The following FAF1 variants were observed in gnomAD, a reference collection of about 807,000 sequenced individuals.
The protein encoded by FAF1 is Fas associated factor 1, also known as FAS-associated factor 1.
FAF1 carries 25 observed loss-of-function variants against 92.5 expected under a neutral mutation model. The observed-to-expected ratio is 0.27, with a 90% CI of 0.20 to 0.38. The LOEUF is 0.38. FAF1 is among the 10% of genes least tolerant of loss of function. The pLI, the probability that FAF1 is intolerant of heterozygous loss-of-function variation, is 1.00. For missense variants in FAF1, 636 were observed against 793.3 expected (o/e 0.80, Z 2.38); for synonymous variants, 234 against 273.2 (o/e 0.86, Z 1.42).
At chr1:50,526,417 G>A (rs932839566) in intron 15 of FAF1, among the ~76,000 whole-genome samples, 1 of 151,622 alleles carries the variant, frequency 6.6e-6, no homozygotes, top group Non-Finnish European at 1.5e-5. Context: ...ACAAAATAGC[G>A]AGACCCCATC....
At chr1:50,877,306 T>A (rs1489489540) in intron 1 of FAF1, among the ~76,000 whole-genome samples, 1 of 152,270 alleles carries the variant, frequency 6.6e-6, no homozygotes, top group East Asian at 1.9e-4. Flanking sequence ...AGTTTAATCA[T>A]GAGAAAAAGA....
chr1:50,561,116 C>T (rs1649879943), intron 13 of FAF1, among the ~76,000 whole-genome samples: 1 of 152,188 alleles, frequency 6.6e-6, no homozygotes. Flanking sequence ...TCAGTACCAT[C>T]CCAGAATGGC....
At chr1:50,848,143 A>T (rs1387751176) in intron 2 of FAF1, among the ~76,000 whole-genome samples, 1 of 152,202 alleles carries the variant, frequency 6.6e-6, no homozygotes, top group African/African-American at 2.4e-5. Context: ...ATACCAAAAA[A>T]TAATTTAAAA....
chr1:50,905,062 G>C (rs560973088), intron 1 of FAF1, among the ~76,000 whole-genome samples: 50 of 152,156 alleles, frequency 3.3e-4, no homozygotes, highest in Admixed American at 7.9e-4. Flanking sequence ...ACAGGCCCCG[G>C]TGTGTGATGT....
At chr1:50,577,793 T>C (rs1276597687) in intron 12 of FAF1, among the ~76,000 whole-genome samples, 1 of 152,164 alleles carries the variant, frequency 6.6e-6, no homozygotes, top group Non-Finnish European at 1.5e-5. Context: ...AACTGATCAG[T>C]ACATTATCAG....
intron 8 of FAF1, among the ~76,000 whole-genome samples, chr1:50,631,505 C>T (rs1653788152): frequency 6.6e-6 from 1 of 151,750 alleles, no homozygotes; most frequent in South Asian, 2.1e-4. Context: ...TAATAATGGC[C>T]CCAAAGCTCA....
chr1:50,584,839 C>A, intron 9 of FAF1, 28 bp from the exon 10 acceptor site: 1 of 1,607,026 alleles, frequency 6.2e-7, no homozygotes, highest in South Asian at 1.1e-5. Flanking sequence ...TGATTAGTTT[C>A]ATATTGATTT....
At chr1:50,578,771 CTATACG>C (rs1441420678) in intron 12 of FAF1, among the ~76,000 whole-genome samples, 1 of 151,342 alleles carries the variant, frequency 6.6e-6, no homozygotes, top group Non-Finnish European at 1.5e-5. Flanking sequence ...ATTACAATTA[CTATACG>C]TACACAGTTA....
intron 13 of FAF1, among the ~76,000 whole-genome samples, chr1:50,554,384 T>TAGAGAG (rs1470102231): frequency 2.4e-3 from 236 of 97,924 alleles, no homozygotes; most frequent in African/African-American, 7.6e-3. Flanking sequence ...TATATATATA[T>TAGAGAG]ATATATAGAG....
intron 1 of FAF1, among the ~76,000 whole-genome samples, chr1:50,896,332 G>C (rs942690294): frequency 1.3e-5 from 2 of 152,102 alleles, no homozygotes; most frequent in Non-Finnish European, 2.9e-5. Context: ...ATAAATGCTT[G>C]AAATGATGGA....
At chr1:50,642,630 CAG>C (rs1654393314) in intron 8 of FAF1, among the ~76,000 whole-genome samples, 1 of 152,060 alleles carries the variant, frequency 6.6e-6, no homozygotes, top group Admixed American at 6.6e-5. Context: ...GCCTGGGCGA[CAG>C]AGTGAGACTC....
intron 15 of FAF1, among the ~76,000 whole-genome samples, chr1:50,525,138 G>A (rs912016965): frequency 6.6e-6 from 1 of 152,020 alleles, no homozygotes; most frequent in Non-Finnish European, 1.5e-5. Flanking sequence ...CACCCGCCTC[G>A]GCCTCCCAAA....
intron 15 of FAF1, among the ~76,000 whole-genome samples, chr1:50,533,082 C>G (rs1648266600): frequency 1.3e-5 from 2 of 152,110 alleles, no homozygotes; most frequent in South Asian, 4.2e-4. Context: ...TCCCAAACTG[C>G]TAGGATTACA....
chr1:50,668,728 C>G (rs1289970481), intron 7 of FAF1, among the ~76,000 whole-genome samples: 1 of 152,112 alleles, frequency 6.6e-6, no homozygotes, highest in Non-Finnish European at 1.5e-5. Context: ...AAGTAAAACC[C>G]AACCCAAGGA....
At chr1:50,690,401 AAGACC>A (rs1190427878) in intron 7 of FAF1, among the ~76,000 whole-genome samples, 2 of 152,142 alleles carry the variant, frequency 1.3e-5, no homozygotes, top group Non-Finnish European at 1.5e-5. Context: ...TCAGGAGTTC[AAGACC>A]AGCCTGGCCA....
chr1:50,674,058 C>T (rs1020593637), intron 7 of FAF1, among the ~76,000 whole-genome samples: 19 of 152,010 alleles, frequency 1.2e-4, no homozygotes, highest in African/African-American at 4.6e-4. Context: ...GCAAGTGATT[C>T]TCCTGCCTCA....
chr1:50,840,257 A>C (rs1306770855), intron 2 of FAF1, among the ~76,000 whole-genome samples: 4 of 152,034 alleles, frequency 2.6e-5, no homozygotes, highest in Non-Finnish European at 4.4e-5. Context: ...TCATAAATTG[A>C]ATTTTATTCA....
chr1:50,497,063 C>T (rs1192055279), intron 15 of FAF1, among the ~76,000 whole-genome samples: 1 of 151,724 alleles, frequency 6.6e-6, no homozygotes, highest in Non-Finnish European at 1.5e-5. Context: ...AGAATCTTAA[C>T]AAACATTAAG....
intron 2 of FAF1, among the ~76,000 whole-genome samples, chr1:50,845,762 T>C (rs962820501): frequency 1.3e-5 from 2 of 152,032 alleles, no homozygotes; most frequent in Non-Finnish European, 2.9e-5. Flanking sequence ...GGGAGAAATT[T>C]CCTGGGAGAA....
Sources: gnomAD v4.1 joint callset for allele counts (sites outside exome capture counted in the v4.1 genomes callset) on GRCh38, gnomAD v4.1.1 for gene constraint, MANE v1.5 for transcripts, NCBI Gene and HGNC (gene_info 2026-07-23, HGNC 2026-07-21) for gene names.